ATXN1: variants seen among roughly 807,000 people sequenced by gnomAD.
The protein encoded by ATXN1 is ataxin-1.
In ATXN1, 8 loss-of-function variants were observed where a neutral mutation model predicts 56.4. That is an observed-to-expected ratio of 0.14 (90% CI 0.08 to 0.26). The LOEUF (loss-of-function observed/expected upper bound fraction) is 0.26. Among genes scored for constraint, ATXN1 ranks in the 10% least tolerant of loss-of-function variants. The probability of loss-of-function intolerance (pLI) is 1.00; values close to 1 mark genes in which losing one functional copy is unlikely to be tolerated. For synonymous variants in ATXN1, 514 were observed against 494.6 expected (o/e 1.04, Z -0.52); for missense variants, 987 against 1,106.5 (o/e 0.89, Z 1.53).
intron 2 of ATXN1, among the ~76,000 whole-genome samples, chr6:16,700,745 A>G (rs1759264543): frequency 6.6e-6 from 1 of 152,224 alleles, no homozygotes; most frequent in African/African-American, 2.4e-5. Context: ...AGAGGATGGA[A>G]AGGGGATCTG....
intron 6 of ATXN1, among the ~76,000 whole-genome samples, chr6:16,484,430 C>T (rs920556636): frequency 1.3e-5 from 2 of 152,012 alleles, no homozygotes; most frequent in Non-Finnish European, 2.9e-5. Context: ...TAAGGCACCA[C>T]CTCAATTAAA....
chr6:16,306,494 T>C lies in ATXN1; in HGVS notation c.2283A>G (p.Ile761Met), dbSNP rs1282384587. The change falls in exon 8 of 8, where the codon ATA (isoleucine) becomes ATG (methionine). Residue 761 changes from isoleucine to methionine, a missense_variant. By Grantham distance (10) the Ile-to-Met change is conservative (BLOSUM62 1). Transcript: ENST00000436367. This position sits in a 1 kb window ranked among gnomAD's most constrained non-coding sequence, Gnocchi z 5.2. ...GLPAAPFLTK[I>M]EPSKPAATRK... is the part of the protein sequence containing the mutation. ...TCGTTGCCGCGGGCTTGCTGGGTTC[T>C]ATTTTGGTGAGGAAGGGCGCTGCAG... is the stretch of plus-strand genomic sequence containing the variant. 1.9e-6 allele frequency: 3 copies of C among 1,614,220 alleles called. No homozygotes were observed. The highest frequency in any genetic ancestry group is 2.5e-6 in the Non-Finnish European group (3 of 1,180,034).
intron 7 of ATXN1, among the ~76,000 whole-genome samples, chr6:16,310,176 G>T (rs1170768123): frequency 2.0e-5 from 3 of 151,980 alleles, no homozygotes; most frequent in Non-Finnish European, 4.4e-5. Context: ...GTAGACAATG[G>T]AGACAATGGA....
At chr6:16,757,123 A>G (rs533548675) in intron 1 of ATXN1, among the ~76,000 whole-genome samples, 1 of 152,336 alleles carries the variant, frequency 6.6e-6, no homozygotes, top group South Asian at 2.1e-4. Flanking sequence ...CAGGCATTTG[A>G]CATGTAATCT....
chr6:16,654,327 T>TGAGATCAA (rs1758144380), intron 3 of ATXN1, among the ~76,000 whole-genome samples: 1 of 152,088 alleles, frequency 6.6e-6, no homozygotes, highest in South Asian at 2.1e-4. Context: ...AGATGGATCA[T>TGAGATCAA]GAGATCAAGA....
rs5874553 is a variant in ATXN1 at position 16,421,342 on chromosome 6, GA to G, written c.-161+64629del. Reference sequence around the variant, plus strand: ...CACTTTAACAGTAGAAAGGACACAGGAAAAAAAAAAGAATGAAATCATTTAC... The same window carrying G: ...CACTTTAACAGTAGAAAGGACACAGGAAAAAAAAAGAATGAAATCATTTAC... On this transcript the variant is annotated intron_variant, in intron 6 of 7. Coordinates refer to ENST00000436367, the MANE Select transcript of ATXN1 (RefSeq NM_001128164.2). 2.0e-3 allele frequency among the ~76,000 whole-genome samples: 295 copies of G among 148,414 alleles called. 3 individuals carry two copies. The highest frequency in any genetic ancestry group is 6.6e-3 in the African/African-American group (267 of 40,590).
At chr6:16,436,305 A>G (rs1191685670) in intron 6 of ATXN1, among the ~76,000 whole-genome samples, 2 of 152,184 alleles carry the variant, frequency 1.3e-5, no homozygotes, top group African/African-American at 2.4e-5. Flanking sequence ...CATTAAATCA[A>G]TATTTATTGA....
chr6:16,413,317 C>T (rs925821233), intron 6 of ATXN1, among the ~76,000 whole-genome samples: 1 of 152,014 alleles, frequency 6.6e-6, no homozygotes, highest in Non-Finnish European at 1.5e-5. Flanking sequence ...ATATACCATG[C>T]TGCCTCTCAA....
At chr6:16,644,446 C>T (rs569193701) in intron 3 of ATXN1, among the ~76,000 whole-genome samples, 346 of 146,952 alleles carry the variant, frequency 2.4e-3, no homozygotes, top group African/African-American at 7.3e-3. Flanking sequence ...ACCCAGGAGG[C>T]GGAGGCTGCA....
At chr6:16,560,377 C>T (rs551045152) in intron 4 of ATXN1, among the ~76,000 whole-genome samples, 12 of 149,202 alleles carry the variant, frequency 8.0e-5, no homozygotes, top group African/African-American at 2.5e-4. Flanking sequence ...TGCAGTGCAC[C>T]GAGATCACAC....
rs879544413 is a variant in ATXN1, at chr6:16,761,333, AG to A, written c.-766del. 2.0e-5 allele frequency: 9 copies of A among 445,084 alleles called. No homozygotes were observed. Among genetic ancestry groups the A allele is most frequent in the East Asian group, 7.2e-5 (1 of 13,856 alleles). 27.6% of individuals were successfully genotyped at this position (445,084 alleles called of 1,614,324 possible). A position where few individuals can be genotyped will look rare whatever the true frequency, so the allele number is the denominator to read the frequency against. ...AAATGGATCTGGGGTTGCGTGGGGA[AG>A]GGGGGGCAGAGGGAGAGAAACAATG... On this transcript the variant is annotated 5_prime_UTR_variant, in exon 1 of 8. Transcript: ENST00000436367.
chr6:16,462,053 C>A (rs992197846), intron 6 of ATXN1, among the ~76,000 whole-genome samples: 3 of 152,086 alleles, frequency 2.0e-5, no homozygotes, highest in African/African-American at 7.2e-5. Flanking sequence ...GGCAAAATAC[C>A]AACAAAACGT....
chr6:16,588,588 A>G (rs142402694), intron 3 of ATXN1, among the ~76,000 whole-genome samples: 1 of 152,304 alleles, frequency 6.6e-6, no homozygotes, highest in Non-Finnish European at 1.5e-5. Context: ...CTCCCTGGTT[A>G]TAGTAGTCAT....
chr6:16,734,011 G>T (rs1760053399), intron 2 of ATXN1, among the ~76,000 whole-genome samples: 1 of 152,092 alleles, frequency 6.6e-6, no homozygotes, highest in Non-Finnish European at 1.5e-5. Context: ...AGAATCGCTT[G>T]AACCCAAGAG....
chr6:16,693,715 A>C (rs1162915825), intron 2 of ATXN1, among the ~76,000 whole-genome samples: 2 of 152,186 alleles, frequency 1.3e-5, no homozygotes, highest in Non-Finnish European at 2.9e-5. Context: ...AAGTACCTTC[A>C]GGGAAAGATT....
At chr6:16,395,612 G>A (rs992466877) in intron 6 of ATXN1, among the ~76,000 whole-genome samples, 14 of 152,162 alleles carry the variant, frequency 9.2e-5, no homozygotes, top group African/African-American at 2.7e-4. Context: ...ATGCAATTAC[G>A]CACAGTACAT....
At position 16,436,636 on chromosome 6, in the gene ATXN1, G is replaced by T. The variant is rs535527409; in HGVS notation, c.-161+49336C>A. Among the ~76,000 whole-genome samples the T allele has an allele frequency of 2.8e-4, 43 of 152,076 alleles. No individual in the cohort carries two copies. In the Middle Eastern group the frequency reaches 0.01, roughly 36 times the overall value. On this transcript the variant is annotated intron_variant, in intron 6 of 7. Transcript: ENST00000436367. Reference sequence around the variant, plus strand: ...AGAAGGTACCAAGGTCCTGGGGTGGGCTCCTGTGTGGTGTGTTGGAGGAAC... The same window carrying T: ...AGAAGGTACCAAGGTCCTGGGGTGGTCTCCTGTGTGGTGTGTTGGAGGAAC...
chr6:16,426,869 G>C (rs1299680974), intron 6 of ATXN1, among the ~76,000 whole-genome samples: 2 of 136,350 alleles, frequency 1.5e-5, no homozygotes, highest in African/African-American at 5.3e-5. Context: ...CAAAAACTGG[G>C]GGAAAGAAAA....
chr6:16,642,434 A>C lies in ATXN1; in HGVS notation c.-489+15342T>G, dbSNP rs115751435. 2.9e-3 allele frequency among the ~76,000 whole-genome samples: 448 copies of C among 152,314 alleles called. 1 individual carries two copies. Among genetic ancestry groups the C allele is most frequent in the Non-Finnish European group, 5.0e-3 (343 of 68,012 alleles). ...AACAAACAAAAAAACCAGTGGTTTC[A>C]TGAGATGTAATCTACTCCTGATGAA... On this transcript the variant is annotated intron_variant, in intron 3 of 7. Transcript: ENST00000436367.
Sources: allele counts gnomAD v4.1 joint callset (sites outside exome capture counted in the v4.1 genomes callset), GRCh38; gene constraint gnomAD v4.1.1; non-coding constraint Gnocchi (gnomAD v3.1); transcripts MANE v1.5; gene names NCBI Gene and HGNC (gene_info 2026-07-23, HGNC 2026-07-21).